Variants in SNW1 observed in about 807,000 individuals in gnomAD.
SNW1 encodes SNW domain-containing protein 1.
SNW1 carries 9 observed loss-of-function variants against 75.6 expected under a neutral mutation model. That is an observed-to-expected ratio of 0.12 (90% CI 0.07 to 0.21). The LOEUF is 0.21. SNW1 is among the 10% of genes least tolerant of loss of function. SNW1 has a pLI of 1.00. For missense variants in SNW1, 409 were observed against 670.9 expected (o/e 0.61, Z 4.31); for synonymous variants, 200 against 219.1 (o/e 0.91, Z 0.77).
intron 3 of SNW1, 76 bp downstream of exon 3, chr14:77,751,243 A>C: frequency 7.1e-7 from 1 of 1,408,232 alleles, no homozygotes; most frequent in Non-Finnish European, 9.8e-7. Context: ...TCAAACAGCA[A>C]GAGATTTATC....
At chr14:77,734,515 G>A (rs543513673) in intron 8 of SNW1, among the ~76,000 whole-genome samples, 54 of 152,268 alleles carry the variant, frequency 3.5e-4, no homozygotes, top group African/African-American at 1.2e-3. Context: ...CGAGGCCGGC[G>A]GATCACAAGG....
intron 2 of SNW1, among the ~76,000 whole-genome samples, chr14:77,753,385 T>C (rs1334272969): frequency 6.6e-6 from 1 of 152,166 alleles, no homozygotes; most frequent in East Asian, 1.9e-4. Flanking sequence ...ACTCAACTGC[T>C]CTATTAGATG....
chr14:77,731,211 C>A, intron 9 of SNW1, 82 bp from the exon 10 acceptor site: 1 of 1,427,070 alleles, frequency 7.0e-7, no homozygotes. Context: ...TAACATCTGG[C>A]TGGTAAGAGC....
chr14:77,728,029 TC>T, intron 10 of SNW1, among the ~76,000 whole-genome samples: 1 of 147,800 alleles, frequency 6.8e-6, no homozygotes, highest in Non-Finnish European at 1.5e-5. Context: ...AGCTTTTCTT[TC>T]ATGGGAGCAA....
At position 77,718,006 on chromosome 14, in the gene SNW1, A is replaced by T. The variant is rs1260829419; in HGVS notation, c.*82T>A. The T allele has an allele frequency of 7.5e-7, 1 of 1,337,818 alleles. No individual in the cohort carries two copies. Among genetic ancestry groups the T allele is most frequent in the Non-Finnish European group, 1.0e-6 (1 of 985,558 alleles). The allele number at this position is 1,337,818 out of a possible 1,614,324, so 82.9% of individuals were successfully genotyped here. A position where few individuals can be genotyped will look rare whatever the true frequency, so the allele number is the denominator to read the frequency against. ...GCACCCAGATTTGGTTTTTATCCTGACCATTTACAAAGTGTTCCCCCATAT... is the reference window on the plus strand; with the variant it reads ...GCACCCAGATTTGGTTTTTATCCTGTCCATTTACAAAGTGTTCCCCCATAT... On this transcript the variant is annotated 3_prime_UTR_variant, in exon 14 of 14. Coordinates refer to ENST00000261531, the MANE Select transcript of SNW1 (RefSeq NM_012245.3).
intron 3 of SNW1, among the ~76,000 whole-genome samples, chr14:77,749,811 G>C (rs1166540660): frequency 1.3e-5 from 2 of 152,244 alleles, no homozygotes; most frequent in Non-Finnish European, 2.9e-5. Context: ...AGAGCCGTTA[G>C]AAGAGGAGGG....
At chr14:77,723,954 G>C (rs751294760) in intron 10 of SNW1, among the ~76,000 whole-genome samples, 77 of 152,162 alleles carry the variant, frequency 5.1e-4, no homozygotes, top group Non-Finnish European at 9.7e-4. Context: ...AAACTTCTTT[G>C]TAGTCACACT....
chr14:77,718,650 T>C (rs956588319), intron 12 of SNW1, 120 bp from the exon 13 acceptor site: 8 of 606,566 alleles, frequency 1.3e-5, no homozygotes, highest in Non-Finnish European at 2.2e-5. Flanking sequence ...CAATCTGAAC[T>C]GCAAATTAAA....
chr14:77,724,364 T>C (rs554297670), intron 10 of SNW1, among the ~76,000 whole-genome samples: 5 of 152,374 alleles, frequency 3.3e-5, no homozygotes, highest in African/African-American at 1.2e-4. Flanking sequence ...ATACAATAAA[T>C]TATCATTAAC....
intron 5 of SNW1, 47 bp from the exon 6 acceptor site, chr14:77,737,122 C>T: frequency 7.5e-7 from 1 of 1,332,882 alleles, no homozygotes; most frequent in Non-Finnish European, 1.1e-6. Context: ...TTCAAGCTTT[C>T]AGTAGGTATT....
At chr14:77,735,234 T>C (rs2080661260) in intron 7 of SNW1, among the ~76,000 whole-genome samples, 1 of 152,232 alleles carries the variant, frequency 6.6e-6, no homozygotes, top group Admixed American at 6.5e-5. Context: ...AAATTATTCT[T>C]GACAGTTATA....
At chr14:77,726,649 C>T (rs1395433293) in intron 10 of SNW1, among the ~76,000 whole-genome samples, 2 of 151,964 alleles carry the variant, frequency 1.3e-5, no homozygotes, top group Admixed American at 1.3e-4. Context: ...CCCATCTCTC[C>T]TAAAAATAAA....
chr14:77,737,570 G>A (rs762806786), intron 5 of SNW1, among the ~76,000 whole-genome samples: 1 of 151,924 alleles, frequency 6.6e-6, no homozygotes, highest in African/African-American at 2.4e-5. Flanking sequence ...CAAGTAAAAC[G>A]CCTCAAAATT....
intron 3 of SNW1, among the ~76,000 whole-genome samples, chr14:77,744,473 TAAAGA>T (rs1264872775): frequency 2.2e-4 from 28 of 124,690 alleles, no homozygotes; most frequent in African/African-American, 5.5e-4. Context: ...AAAAGAAAAG[TAAAGA>T]AAAGAAAAGA....
At chr14:77,735,835 A>C in intron 7 of SNW1, 102 bp downstream of exon 7, 1 of 732,716 alleles carries the variant, frequency 1.4e-6, no homozygotes, top group Non-Finnish European at 2.3e-6. Context: ...AAGAAACTAC[A>C]AGTCAGTGTG....
At chr14:77,753,423 G>GT (rs1241111591) in intron 2 of SNW1, among the ~76,000 whole-genome samples, 2 of 152,128 alleles carry the variant, frequency 1.3e-5, no homozygotes, top group East Asian at 1.9e-4. Context: ...TTTGCCCCAG[G>GT]TAAGACTCCT....
chr14:77,725,849 G>A (rs2080580705), intron 10 of SNW1, among the ~76,000 whole-genome samples: 2 of 152,220 alleles, frequency 1.3e-5, no homozygotes, highest in Non-Finnish European at 2.9e-5. Context: ...CTGAGAGGCG[G>A]AGGTTGCAGT....
At chr14:77,724,956 T>C (rs541626826) in intron 10 of SNW1, among the ~76,000 whole-genome samples, 4 of 152,316 alleles carry the variant, frequency 2.6e-5, no homozygotes, top group African/African-American at 9.6e-5. Flanking sequence ...TACTAATTTA[T>C]ATTCTTACTA....
At chr14:77,722,619 T>C (rs2080550940) in intron 11 of SNW1, 1 of 387,292 alleles carries the variant, frequency 2.6e-6, no homozygotes, top group Non-Finnish European at 5.1e-6. Context: ...CCGTTTTCTA[T>C]ATTCCCATCA....
Sources: gnomAD v4.1 joint callset for allele counts (sites outside exome capture counted in the v4.1 genomes callset) on GRCh38, gnomAD v4.1.1 for gene constraint, MANE v1.5 for transcripts, NCBI Gene and HGNC (gene_info 2026-07-23, HGNC 2026-07-21) for gene names.